Variants in ZFHX3 observed in about 807,000 individuals in gnomAD.
ZFHX3 encodes the protein zinc finger homeobox protein 3.
Under a neutral mutation model 279.1 loss-of-function variants are expected in ZFHX3, and 42 were observed. The ratio of observed to expected loss-of-function variants is 0.15; its 90% CI spans 0.12 to 0.19. The LOEUF is 0.19. Ranked by LOEUF, ZFHX3 falls within the 10% of genes least tolerant of loss-of-function variation. The pLI is 1.00. For synonymous variants in ZFHX3, 2,293 were observed against 1,957.8 expected, an observed-to-expected ratio of 1.17 and a Z score of -4.52; for missense variants, 4,981 against 4,754.0, an observed-to-expected ratio of 1.05 and a Z score of -1.40.
chr16:73,011,556 C>T (rs1963918958), intron 1 of ZFHX3, among the ~76,000 whole-genome samples: 1 of 152,078 alleles, frequency 6.6e-6, no homozygotes, highest in Non-Finnish European at 1.5e-5. Context: ...TCCTGGCCAA[C>T]ATGGTGAAAC....
chr16:73,338,196 G>T (rs564559330), intron 3 of ZFHX3, among the ~76,000 whole-genome samples: 1 of 152,176 alleles, frequency 6.6e-6, no homozygotes, highest in East Asian at 1.9e-4. Context: ...CAAGTGTCAC[G>T]TGGACCCTCA....
chr16:73,328,906 T>C (rs1409250690), intron 3 of ZFHX3, among the ~76,000 whole-genome samples: 1 of 152,190 alleles, frequency 6.6e-6, no homozygotes, highest in African/African-American at 2.4e-5. Context: ...GCAGTGCAAA[T>C]CCATGCTGCT....
Position 72,798,306 on chromosome 16 carries a change from T to C in ZFHX3, c.4376A>G (p.Asp1459Gly), listed in dbSNP as rs781000738. 7.1e-5 allele frequency: 115 copies of C among 1,614,086 alleles called. No individual in the cohort carries two copies. The highest frequency in any genetic ancestry group is 4.5e-4 in the Admixed American group (27 of 59,998). The change falls in exon 9 of 10, where the codon GAC becomes GGC. Residue 1459 changes from aspartate to glycine, a missense_variant. Coordinates refer to ENST00000268489, the MANE Select transcript of ZFHX3 (RefSeq NM_006885.4). ...ETSHLELSEADIQQLYGGLLA... is the reference protein window; with the variant it reads ...ETSHLELSEAGIQQLYGGLLA... ...CAGGCCACCATAAAGCTGTTGGATG[T>C]CAGCCTCACTCAGCTCCAGGTGGCT...
At chr16:73,018,179 A>T (rs1403829149) in intron 1 of ZFHX3, among the ~76,000 whole-genome samples, 18 of 151,206 alleles carry the variant, frequency 1.2e-4, no homozygotes, top group Non-Finnish European at 1.8e-4. Flanking sequence ...TTTTATAGAG[A>T]CAGGGTCTCA....
rs2020358342 is a variant in ZFHX3, at chr16:73,560,790, C to G, written c.-1546-104532G>C. Reference sequence around the variant, plus strand: ...TGTTCTGGTTCAGAGCCTCCGAAATCTCACTTGTGTGAGTCGCTGCTACTT... The same window carrying G: ...TGTTCTGGTTCAGAGCCTCCGAAATGTCACTTGTGTGAGTCGCTGCTACTT... On this transcript the variant is annotated intron_variant, in intron 2 of 17. Coordinates refer to the ZFHX3 transcript ENST00000641206. 2.0e-5 allele frequency among the ~76,000 whole-genome samples: 3 copies of G among 152,306 alleles called. No individual in the cohort carries two copies. In the South Asian group the frequency reaches 6.2e-4, roughly 32 times the overall value.
intron 3 of ZFHX3, among the ~76,000 whole-genome samples, chr16:73,334,810 C>CCTTTTT (rs1555510772): frequency 0.031 from 1,784 of 57,920 alleles, 322 homozygotes; most frequent in African/African-American, 0.091. Flanking sequence ...CTTTCTCATT[C>CCTTTTT]TTTTTTTTTT....
chr16:73,317,873 A>T (rs1420806895), intron 4 of ZFHX3, among the ~76,000 whole-genome samples: 2 of 152,244 alleles, frequency 1.3e-5, no homozygotes, highest in Non-Finnish European at 1.5e-5. Context: ...CTAAAAGTGG[A>T]TAGAGGGAAT....
intron 3 of ZFHX3, among the ~76,000 whole-genome samples, chr16:72,946,983 A>G (rs1960712892): frequency 6.6e-6 from 1 of 152,208 alleles, no homozygotes; most frequent in African/African-American, 2.4e-5. Flanking sequence ...CCAGTTCCCA[A>G]GCTTCACTGG....
intron 1 of ZFHX3, among the ~76,000 whole-genome samples, chr16:73,849,663 A>T (rs951527014): frequency 6.6e-6 from 1 of 152,380 alleles, no homozygotes; most frequent in South Asian, 2.1e-4. Flanking sequence ...CTTCGAAGAT[A>T]TATAAGTGAA....
At chr16:72,898,023 A>G (rs1179123750) in intron 3 of ZFHX3, among the ~76,000 whole-genome samples, 1 of 152,228 alleles carries the variant, frequency 6.6e-6, no homozygotes, top group African/African-American at 2.4e-5. Context: ...TTCCAGGGGT[A>G]ACGCAACCAG....
At chr16:73,822,079 G>C (rs1054207579) in intron 1 of ZFHX3, among the ~76,000 whole-genome samples, 7 of 152,258 alleles carry the variant, frequency 4.6e-5, no homozygotes, top group Admixed American at 4.6e-4. Context: ...CACATAGAAA[G>C]ACATCTCCCC....
At chr16:73,824,280 T>C (rs530775948) in intron 1 of ZFHX3, among the ~76,000 whole-genome samples, 6 of 152,224 alleles carry the variant, frequency 3.9e-5, no homozygotes, top group African/African-American at 7.2e-5. Context: ...GCTTGAAGCA[T>C]AGCGTGAGAA....
At chr16:73,035,043 C>A (rs1293307667) in intron 1 of ZFHX3, among the ~76,000 whole-genome samples, 1 of 152,146 alleles carries the variant, frequency 6.6e-6, no homozygotes, top group Non-Finnish European at 1.5e-5. Context: ...CAGAGCTGCA[C>A]CATCCACTAG....
intron 5 of ZFHX3, among the ~76,000 whole-genome samples, chr16:72,820,560 C>A (rs976484029): frequency 1.3e-5 from 2 of 152,124 alleles, no homozygotes; most frequent in African/African-American, 4.8e-5. Flanking sequence ...GCTAAATATT[C>A]CTGATTTTGA....
chr16:73,054,716 C>A (rs8062068), intron 1 of ZFHX3, among the ~76,000 whole-genome samples: 1 of 151,930 alleles, frequency 6.6e-6, no homozygotes, highest in African/African-American at 2.4e-5. Context: ...GTCTGCCGAC[C>A]ATATTCACAG....
chr16:72,922,349 C>T (rs1470065635), intron 3 of ZFHX3, among the ~76,000 whole-genome samples: 3 of 152,174 alleles, frequency 2.0e-5, no homozygotes, highest in Admixed American at 2.0e-4. Flanking sequence ...GGTGAGGCCC[C>T]CCTGTCCCAG....
At chr16:73,172,745 A>G (rs982178568) in intron 5 of ZFHX3, among the ~76,000 whole-genome samples, 27 of 152,332 alleles carry the variant, frequency 1.8e-4, no homozygotes, top group Non-Finnish European at 4.0e-4. Context: ...GCCAAAACAC[A>G]TATCATTAGC....
intron 1 of ZFHX3, among the ~76,000 whole-genome samples, chr16:73,776,644 G>A (rs1032180357): frequency 6.6e-6 from 1 of 152,154 alleles, no homozygotes; most frequent in Non-Finnish European, 1.5e-5. Flanking sequence ...CTCACACTAA[G>A]ACCAGGGGGA....
chr16:73,639,872 T>C (rs1283582105), intron 2 of ZFHX3, among the ~76,000 whole-genome samples: 1 of 152,114 alleles, frequency 6.6e-6, no homozygotes, highest in Non-Finnish European at 1.5e-5. Flanking sequence ...AAAGCCATGA[T>C]AAGAGTATTA....
Sources: allele counts gnomAD v4.1 joint callset (sites outside exome capture counted in the v4.1 genomes callset), GRCh38; gene constraint gnomAD v4.1.1; transcripts MANE v1.5; gene names NCBI Gene and HGNC (gene_info 2026-07-23, HGNC 2026-07-21).